The following CDK19 variants were observed in gnomAD, a reference collection of about 807,000 sequenced individuals.
CDK19 encodes cyclin dependent kinase 19, also known as cyclin-dependent kinase 19.
Under a neutral mutation model 68.3 loss-of-function variants are expected in CDK19, and 20 were observed. The ratio of observed to expected loss-of-function variants is 0.29; its 90% confidence interval spans 0.21 to 0.43. The LOEUF is 0.43. CDK19 is among the 20% of genes least tolerant of loss of function. The probability of loss-of-function intolerance (pLI) is 1.00; values close to 1 mark genes in which losing one functional copy is unlikely to be tolerated. For synonymous variants in CDK19, 221 were observed against 222.8 expected (o/e 0.99, Z 0.07); for missense variants, 339 against 623.5 (o/e 0.54, Z 4.86).
chr6:110,625,251 G>A (rs949189350), intron 8 of CDK19, among the ~76,000 whole-genome samples: 1 of 151,952 alleles, frequency 6.6e-6, no homozygotes, highest in Admixed American at 6.6e-5. Flanking sequence ...TTTTTAACAA[G>A]GTCTCCAGGT....
intron 1 of CDK19, among the ~76,000 whole-genome samples, chr6:110,792,554 C>T (rs772715747): frequency 3.3e-5 from 5 of 152,124 alleles, no homozygotes; most frequent in Non-Finnish European, 5.9e-5. Flanking sequence ...ATTACAGACG[C>T]GTGCCACCAC....
chr6:110,727,862 C>G (rs1468070744), intron 2 of CDK19, among the ~76,000 whole-genome samples: 1 of 151,858 alleles, frequency 6.6e-6, no homozygotes, highest in Admixed American at 6.6e-5. Flanking sequence ...TGGTAAATCC[C>G]TATTGTCCCA....
At chr6:110,812,889 C>T (rs887764319) in intron 1 of CDK19, among the ~76,000 whole-genome samples, 2 of 149,606 alleles carry the variant, frequency 1.3e-5, no homozygotes, top group Admixed American at 1.3e-4. Context: ...TATCAATGAA[C>T]ATAAAATTAA....
rs761836116 is a variant in CDK19 at position 110,621,181 on chromosome 6, C to G, written c.1300G>C (p.Val434Leu). 6.2e-7 allele frequency: 1 copy of G among 1,614,138 alleles called. No homozygotes were observed. Among genetic ancestry groups the G allele is most frequent in the South Asian group, 1.1e-5 (1 of 91,088 alleles). The change falls in exon 12 of 13, where the codon GTG becomes CTG. Residue 434 changes from valine (V) to leucine (L), a missense_variant. By Grantham distance (32) the Val-to-Leu change is conservative. Around this residue, in one of 4 missense-constraint regions of CDK19, gnomAD observed 155 missense variants for 222.7 expected, o/e 0.70. Coordinates refer to ENST00000368911, the MANE Select transcript of CDK19 (RefSeq NM_015076.5). This position sits in a 1 kb window ranked among gnomAD's most constrained non-coding sequence, Gnocchi z 5.4. ...AGCCGTGGCTTCTTGTTTGGAGGCA[C>G]CTGGTTCAGGCTGGAGTCCTGGCTG... ...QHSQDSSLNQ[V>L]PPNKKPRLGP...
intron 2 of CDK19, among the ~76,000 whole-genome samples, chr6:110,675,437 G>A (rs1167981431): frequency 6.6e-6 from 1 of 152,074 alleles, no homozygotes; most frequent in Non-Finnish European, 1.5e-5. Context: ...AGACCAGCCT[G>A]ACCAACATGG....
intron 1 of CDK19, among the ~76,000 whole-genome samples, chr6:110,760,796 T>C (rs971027465): frequency 2.0e-5 from 3 of 152,240 alleles, no homozygotes; most frequent in East Asian, 1.9e-4. Flanking sequence ...ATCCCCATTA[T>C]ACAGATGAGG....
chr6:110,621,928 C>A lies in CDK19; in HGVS notation c.1110+160G>T, dbSNP rs1284133419. On this transcript the variant is annotated intron_variant, in intron 11 of 12. Transcript: ENST00000368911. This position sits in a 1 kb window ranked among gnomAD's most constrained non-coding sequence, Gnocchi z 5.4. ...TGGTCATACTTCAAACTTCAAGGTA[C>A]CTTTACAATCCCCAAACTTCCACAG... 6.6e-6 allele frequency among the ~76,000 whole-genome samples: 1 copy of A among 152,098 alleles called. No homozygotes were observed.
chr6:110,641,684 A>G (rs1199203915), intron 4 of CDK19, among the ~76,000 whole-genome samples: 3 of 150,778 alleles, frequency 2.0e-5, no homozygotes, highest in Non-Finnish European at 4.4e-5. Flanking sequence ...GAAGGAAGGA[A>G]GGAGGGACAA....
intron 2 of CDK19, among the ~76,000 whole-genome samples, chr6:110,723,581 T>C (rs6904828): frequency 0.99 from 150,448 of 152,320 alleles, 74,317 homozygotes; most frequent in Middle Eastern, 1. Context: ...ACCTACAAAA[T>C]ACCAACAAAG....
At position 110,632,051 on chromosome 6, in the gene CDK19, T is replaced by C. The variant is rs1779471782; in HGVS notation, c.625A>G (p.Arg209Gly). The C allele has an allele frequency of 6.2e-7, 1 of 1,611,574 alleles. No homozygotes were observed. Among genetic ancestry groups the C allele is most frequent in the Non-Finnish European group, 8.5e-7 (1 of 1,177,860 alleles). ...TTACCAATGGCCTTTGTATAATGCC[T>C]TGCACCAAGCAAAAGTTCTGGAGCC... Reference protein sequence around the residue: ...YRAPELLLGARHYTKAIDIWA... With the variant: ...YRAPELLLGAGHYTKAIDIWA... The change falls in exon 6 of 13, where the codon AGG becomes GGG. Residue 209 changes from arginine to glycine, a missense_variant. Physicochemically the swap from Arg to Gly is moderately radical, Grantham distance 125. Coordinates refer to ENST00000368911, the MANE Select transcript of CDK19 (RefSeq NM_015076.5).
At chr6:110,799,859 T>C (rs540938097) in intron 1 of CDK19, among the ~76,000 whole-genome samples, 16 of 152,264 alleles carry the variant, frequency 1.1e-4, no homozygotes, top group South Asian at 6.2e-4. Flanking sequence ...CGCCTAGACC[T>C]CCCAAAGCGC....
chr6:110,814,791 C>T (rs900231335), intron 1 of CDK19: 26 of 680,816 alleles, frequency 3.8e-5, no homozygotes, highest in Admixed American at 1.7e-4. Context: ...ACGCCTCGGA[C>T]CGGGCTGCGC....
intron 1 of CDK19, among the ~76,000 whole-genome samples, chr6:110,801,394 A>G (rs745695776): frequency 6.6e-6 from 1 of 152,140 alleles, no homozygotes; most frequent in Non-Finnish European, 1.5e-5. Flanking sequence ...CTGAGGTGGG[A>G]GAATTGCTTA....
chr6:110,763,050 G>C (rs1779333282), intron 1 of CDK19, among the ~76,000 whole-genome samples: 1 of 152,118 alleles, frequency 6.6e-6, no homozygotes, highest in African/African-American at 2.4e-5. Context: ...TACATATTGG[G>C]AACTACAACG....
At chr6:110,807,985 T>C (rs1339768431) in intron 1 of CDK19, among the ~76,000 whole-genome samples, 1 of 152,168 alleles carries the variant, frequency 6.6e-6, no homozygotes, top group African/African-American at 2.4e-5. Context: ...CATTCATAAA[T>C]TGATAGTTCT....
At chr6:110,725,535 G>A (rs1350265472) in intron 2 of CDK19, among the ~76,000 whole-genome samples, 1 of 152,084 alleles carries the variant, frequency 6.6e-6, no homozygotes, top group East Asian at 1.9e-4. Context: ...TACAAAATCA[G>A]TAGACAGAGA....
At position 110,611,575 on chromosome 6, in the gene CDK19, G is replaced by A. The variant is rs547836804; in HGVS notation, c.*2960C>T. On this transcript the variant is annotated 3_prime_UTR_variant, in exon 13 of 13. Coordinates refer to ENST00000368911, the MANE Select transcript of CDK19 (RefSeq NM_015076.5). The stretch of plus-strand genomic sequence containing the variant: ...CCGAGACAGGCGGATGACCTGAGGT[G>A]AGGAATTCAAGACCAGCCTGACCAA... 1 of 152,414 alleles carries A rather than the reference G, an allele frequency of 6.6e-6. No homozygotes were observed. The highest frequency in any genetic ancestry group is 2.1e-4 in the South Asian group (1 of 4,828). The allele number at this position is 152,414 out of a possible 1,614,324, so 9.4% of individuals were successfully genotyped here.
intron 1 of CDK19, among the ~76,000 whole-genome samples, chr6:110,759,421 AAAAAAAAATAT>A (rs1779059342): frequency 8.0e-6 from 1 of 124,694 alleles, no homozygotes; most frequent in South Asian, 2.4e-4. Context: ...AAAAAAAAAA[AAAAAAAAATAT>A]ATATATATAT....
chr6:110,658,871 T>C (rs1781459751), intron 4 of CDK19, among the ~76,000 whole-genome samples: 2 of 152,156 alleles, frequency 1.3e-5, no homozygotes, highest in Non-Finnish European at 1.5e-5. Context: ...AGAAAGAATG[T>C]ACAGAAGCTT....
Sources: allele counts gnomAD v4.1 joint callset (sites outside exome capture counted in the v4.1 genomes callset), GRCh38; gene constraint gnomAD v4.1.1; regional missense constraint gnomAD v4.1.1; non-coding constraint Gnocchi (gnomAD v3.1); transcripts MANE v1.5; gene names NCBI Gene and HGNC (gene_info 2026-07-23, HGNC 2026-07-21).